The following USP16 variants were observed in gnomAD, a reference collection of about 807,000 sequenced individuals.
USP16 encodes the protein ubiquitin carboxyl-terminal hydrolase 16.
A neutral mutation model predicts 95.9 loss-of-function variants in USP16; 77 were observed. The observed-to-expected ratio is 0.80, with a 90% CI of 0.67 to 0.97. The LOEUF (loss-of-function observed/expected upper bound fraction) is 0.97, where lower values mean the gene tolerates loss of function less well. Ranked by LOEUF, USP16 falls within the 50% of genes least tolerant of loss-of-function variation. The probability of loss-of-function intolerance (pLI) is 0.00; values close to 1 mark genes in which losing one functional copy is unlikely to be tolerated. For synonymous variants in USP16, 303 were observed against 318.2 expected (o/e 0.95, Z 0.51); for missense variants, 943 against 959.9 (o/e 0.98, Z 0.23).
intron 15 of USP16, among the ~76,000 whole-genome samples, chr21:29,049,390 G>T (rs2085379829): frequency 1.3e-5 from 2 of 152,170 alleles, no homozygotes; most frequent in African/African-American, 4.8e-5. Flanking sequence ...GACTAATTGG[G>T]TGGGCCTTTA....
intron 13 of USP16, among the ~76,000 whole-genome samples, chr21:29,046,384 G>T (rs544272533): frequency 3.9e-5 from 6 of 152,170 alleles, no homozygotes; most frequent in African/African-American, 1.4e-4. Flanking sequence ...TGATCCTCTT[G>T]TGATCATCTT....
In USP16 at chr21:29,038,881, C is replaced by A. The variant is rs946923964; in HGVS notation, c.733-145C>A. ...AAGACAGTCTGTGACCAAACAGTTTCTATCTCTTTTGATGTACATTTTAAA... is the reference window on the plus strand; with the variant it reads ...AAGACAGTCTGTGACCAAACAGTTTATATCTCTTTTGATGTACATTTTAAA... On this transcript the variant is annotated intron_variant, in intron 7 of 17. Coordinates refer to ENST00000399976, the MANE Select transcript of USP16 (RefSeq NM_006447.3). The A allele has an allele frequency of 5.3e-6, 4 of 751,854 alleles. No individual in the cohort carries two copies. The East Asian group carries it at 1.3e-4, about 24-fold the overall frequency. 46.6% of individuals were successfully genotyped at this position (751,854 alleles called of 1,614,324 possible).
At position 29,047,077 on chromosome 21, in the gene USP16, A is replaced by G; in HGVS notation, c.1767A>G (p.Glu589=). 6.2e-7 allele frequency: 1 copy of G among 1,614,098 alleles called. No individual in the cohort carries two copies. Among genetic ancestry groups the G allele is most frequent in the Non-Finnish European group, 8.5e-7 (1 of 1,180,022 alleles). ...LNLNAALHPD[E]INIEILNDSH... is the part of the protein sequence containing the mutation. ...TGAATGCTGCTCTTCATCCTGATGA[A>G]ATAAATATAGAGATTCTGAATGATA... The change falls in exon 14 of 18, where the codon GAA becomes GAG. Residue 589 remains glutamate (E), a synonymous_variant. Coordinates refer to ENST00000399976, the MANE Select transcript of USP16 (RefSeq NM_006447.3).
Position 29,034,891 on chromosome 21 carries a change from A to T in USP16, c.295A>T (p.Arg99Ter). Residue 99 changes from arginine (R) to a stop codon, truncating the protein, a stop_gained, in exon 4 of 18, where the codon AGA becomes TGA. Transcript: ENST00000399976. LOFTEE classifies it high-confidence loss of function. Reference protein sequence around the residue: ...QHALKHYLTPRSEPHCLVLSL... With the variant: ...QHALKHYLTP ...TGCCTTGAAGCACTATCTGACGCCA[A>T]GATCTGAACCTCACTGTCTGGTTCT... 3 of 1,614,200 alleles carry T rather than the reference A, an allele frequency of 1.9e-6. No homozygotes were observed. The highest frequency in any genetic ancestry group is 2.5e-6 in the Non-Finnish European group (3 of 1,180,008).
intron 4 of USP16, among the ~76,000 whole-genome samples, chr21:29,035,985 A>G (rs1377299006): frequency 6.6e-6 from 1 of 152,244 alleles, no homozygotes; most frequent in Non-Finnish European, 1.5e-5. Flanking sequence ...TCTGTATTTT[A>G]AAATATATGT....
In USP16 at chr21:29,054,138, A is replaced by T. The variant is rs756573083; in HGVS notation, c.2423A>T (p.Lys808Ile). 30 of 1,614,106 alleles carry T rather than the reference A, an allele frequency of 1.9e-5. No individual in the cohort carries two copies. The highest frequency in any genetic ancestry group is 2.5e-5 in the Non-Finnish European group (30 of 1,180,036). Residue 808 changes from lysine to isoleucine, a missense_variant, in exon 18 of 18, where the codon AAA (lysine) becomes ATA (isoleucine). By Grantham distance (102) the Lys-to-Ile change is moderately radical. Transcript: ENST00000399976. ...CATGTGCAAGCTGTGCCTACAACTA[A>T]AGTACTAAACTCACAAGCGTACCTC... ...DTHVQAVPTT[K>I]VLNSQAYLLF...
chr21:29,038,097 C>G (rs1811870203), intron 6 of USP16, among the ~76,000 whole-genome samples: 1 of 152,136 alleles, frequency 6.6e-6, no homozygotes, highest in South Asian at 2.1e-4. Flanking sequence ...TTGGGGATAG[C>G]TACTTCTGAT....
At chr21:29,043,282 G>GT in intron 12 of USP16, 141 bp from the exon 13 acceptor site, 2 of 571,164 alleles carry the variant, frequency 3.5e-6, no homozygotes, top group Non-Finnish European at 5.3e-6. Flanking sequence ...AACGAATTTT[G>GT]TCTCATCTAT....
At position 29,050,014 on chromosome 21, in the gene USP16, G is replaced by A. The variant is rs1412827632; in HGVS notation, c.2107-78G>A. The A allele has an allele frequency of 3.8e-5, 48 of 1,264,442 alleles. No individual in the cohort carries two copies. The South Asian group carries it at 4.5e-4, about 12-fold the overall frequency. 78.3% of individuals were successfully genotyped at this position (1,264,442 alleles called of 1,614,324 possible). ...ACTTAATGTTGATATTCTTTTGGAC[G>A]TCGGAGGGGACTTCGGTTTACTTAA... On this transcript the variant is annotated intron_variant, in intron 15 of 17. Coordinates refer to ENST00000399976, the MANE Select transcript of USP16 (RefSeq NM_006447.3).
intron 1 of USP16, 154 bp downstream of exon 1, chr21:29,024,931 C>A: frequency 1.3e-6 from 1 of 764,956 alleles, no homozygotes; most frequent in Non-Finnish European, 1.8e-6. Context: ...ATCTCATTGG[C>A]TGCATGTTCT....
At chr21:29,050,278 C>T (rs961828139) in intron 16 of USP16, 100 bp downstream of exon 16, 2 of 960,132 alleles carry the variant, frequency 2.1e-6, no homozygotes, top group African/African-American at 1.7e-5. Context: ...GTTGATAACA[C>T]TTATTGAGTA....
chr21:29,035,909 C>T (rs959303449), intron 4 of USP16, among the ~76,000 whole-genome samples: 4 of 151,980 alleles, frequency 2.6e-5, no homozygotes, highest in African/African-American at 7.2e-5. Flanking sequence ...CAGAGCGAGA[C>T]TCCGTCTCAA....
intron 3 of USP16, 50 bp downstream of exon 3, chr21:29,030,823 C>A: frequency 6.4e-7 from 1 of 1,551,270 alleles, no homozygotes; most frequent in South Asian, 1.3e-5. Flanking sequence ...ACTCTTTGAA[C>A]TTACTTTAGA....
At chr21:29,038,265 C>T (rs2085191680) in intron 6 of USP16, 70 bp from the exon 7 acceptor site, 4 of 1,001,970 alleles carry the variant, frequency 4.0e-6, no homozygotes, top group Non-Finnish European at 6.1e-6. Context: ...ATAGAATAGA[C>T]ACTTAAGAAG....
chr21:29,054,134 A>G lies in USP16; in HGVS notation c.2419A>G (p.Thr807Ala). The change falls in exon 18 of 18, where the codon ACT becomes GCT. Residue 807 changes from threonine (T) to alanine (A), a missense_variant. Thr to Ala is a moderately conservative substitution (Grantham distance 58, BLOSUM62 0). Coordinates refer to ENST00000399976, the MANE Select transcript of USP16 (RefSeq NM_006447.3). Reference protein sequence around the residue: ...SDTHVQAVPTTKVLNSQAYLL... With the variant: ...SDTHVQAVPTAKVLNSQAYLL... ...CACACATGTGCAAGCTGTGCCTACA[A>G]CTAAAGTACTAAACTCACAAGCGTA... 7 of 1,614,254 alleles carry G rather than the reference A, an allele frequency of 4.3e-6. No homozygotes were observed. Among genetic ancestry groups the G allele is most frequent in the Non-Finnish European group, 5.1e-6 (6 of 1,180,028 alleles).
chr21:29,032,481 CT>C (rs965355040), intron 3 of USP16, among the ~76,000 whole-genome samples: 9 of 152,180 alleles, frequency 5.9e-5, no homozygotes, highest in East Asian at 1.9e-4. Context: ...ATCTACCCCC[CT>C]GGGCCTCCCA....
In USP16 at chr21:29,027,885, T is replaced by C; in HGVS notation, c.-29T>C. 6.2e-7 allele frequency: 1 copy of C among 1,613,062 alleles called. No homozygotes were observed. The highest frequency in any genetic ancestry group is 8.5e-7 in the Non-Finnish European group (1 of 1,179,264). On this transcript the variant is annotated 5_prime_UTR_variant, in exon 2 of 18. Coordinates refer to ENST00000399976, the MANE Select transcript of USP16 (RefSeq NM_006447.3). ...TCTTGTTTTCTAGATTGTTATTTTG[T>C]GTCAGTAAGTAATCCATAAAGTGCC... is the stretch of plus-strand genomic sequence containing the variant.
At chr21:29,054,028 T>C (rs769076062) in intron 17 of USP16, 38 bp from the exon 18 acceptor site, 1 of 1,613,616 alleles carries the variant, frequency 6.2e-7, no homozygotes, top group East Asian at 2.2e-5. Context: ...AACTTGAATC[T>C]TTCCATTTAT....
chr21:29,036,837 T>A (rs1319137547), intron 5 of USP16, among the ~76,000 whole-genome samples: 1 of 152,252 alleles, frequency 6.6e-6, no homozygotes, highest in Non-Finnish European at 1.5e-5. Flanking sequence ...GTTTTTATTG[T>A]CACAAGTATC....
Sources: allele counts gnomAD v4.1 joint callset (sites outside exome capture counted in the v4.1 genomes callset), GRCh38; gene constraint gnomAD v4.1.1; transcripts MANE v1.5; gene names NCBI Gene and HGNC (gene_info 2026-07-23, HGNC 2026-07-21).